Variants in SPOCD1 observed in about 807,000 individuals in gnomAD.
SPOCD1 encodes SPOC domain-containing protein 1.
SPOCD1 carries 64 observed loss-of-function variants against 92.2 expected under a neutral mutation model. The observed-to-expected ratio is 0.69, with a 90% confidence interval of 0.57 to 0.86. SPOCD1 has a LOEUF of 0.86. SPOCD1 is among the 40% of genes least tolerant of loss of function. The probability of loss-of-function intolerance (pLI) is 0.00; values close to 1 mark genes in which losing one functional copy is unlikely to be tolerated. For synonymous variants in SPOCD1, 578 were observed against 619.3 expected (o/e 0.93, Z 0.99); for missense variants, 1,360 against 1,543.1 (o/e 0.88, Z 1.99).
intron 2 of SPOCD1, among the ~76,000 whole-genome samples, chr1:31,811,765 C>T (rs760461107): frequency 3.3e-5 from 5 of 152,210 alleles, no homozygotes; most frequent in Non-Finnish European, 7.3e-5. Flanking sequence ...ATTCTTCTCC[C>T]GCAGCTGGTA....
chr1:31,798,870 A>G lies in SPOCD1; in HGVS notation c.1869-269T>C. ...ATTAGTGGCAAAAGCAAGATTTGAA[A>G]CTCGACTGTCTGACTCACCAGCCTG... On this transcript the variant is annotated intron_variant, in intron 7 of 15. Transcript: ENST00000360482. This position sits in a 1 kb window ranked among gnomAD's most constrained non-coding sequence, Gnocchi z 4.1. 1.8e-6 allele frequency: 1 copy of G among 562,234 alleles called. No homozygotes were observed. Among genetic ancestry groups the G allele is most frequent in the Non-Finnish European group, 3.1e-6 (1 of 318,148 alleles). 34.8% of individuals were successfully genotyped at this position (562,234 alleles called of 1,614,324 possible). A position where few individuals can be genotyped will look rare whatever the true frequency, so the allele number is the denominator to read the frequency against.
chr1:31,793,534 G>A (rs893102968), intron 12 of SPOCD1, 106 bp from the exon 13 acceptor site: 1 of 1,507,966 alleles, frequency 6.6e-7, no homozygotes. Flanking sequence ...TGTGGGGACT[G>A]GAACACTGGC....
intron 10 of SPOCD1, 139 bp downstream of exon 10, chr1:31,796,451 C>T (rs576501318): frequency 4.6e-5 from 61 of 1,323,716 alleles, no homozygotes; most frequent in Middle Eastern, 2.3e-4. Context: ...CGTTAAGGAT[C>T]GCTGTCCCCG....
chr1:31,801,572 G>T, intron 3 of SPOCD1, 92 bp downstream of exon 3: 1 of 1,177,970 alleles, frequency 8.5e-7, no homozygotes, highest in Non-Finnish European at 1.3e-6. Context: ...GGTGGGGGTA[G>T]GATCTCCACA....
chr1:31,792,990 C>T (rs1414704536), intron 13 of SPOCD1, among the ~76,000 whole-genome samples: 3 of 152,216 alleles, frequency 2.0e-5, no homozygotes, highest in Non-Finnish European at 4.4e-5. Flanking sequence ...CTCCTCTATC[C>T]TCTGCTCTCA....
intron 2 of SPOCD1, among the ~76,000 whole-genome samples, chr1:31,803,521 C>G (rs1341752864): frequency 6.6e-6 from 1 of 151,294 alleles, no homozygotes; most frequent in Non-Finnish European, 1.5e-5. Flanking sequence ...TCGCTTGAGG[C>G]CAGAAGTTTG....
intron 2 of SPOCD1, among the ~76,000 whole-genome samples, chr1:31,809,270 A>G (rs753979952): frequency 6.6e-6 from 1 of 152,214 alleles, no homozygotes; most frequent in South Asian, 2.1e-4. Flanking sequence ...ACACCACAGC[A>G]TATCTCCATT....
intron 2 of SPOCD1, among the ~76,000 whole-genome samples, chr1:31,809,983 C>CACTG (rs1270460358): frequency 6.6e-6 from 1 of 152,160 alleles, no homozygotes; most frequent in Non-Finnish European, 1.5e-5. Flanking sequence ...CTCTGCAGAG[C>CACTG]ACTGCCCTCT....
chr1:31,796,135 G>A (rs913773280), intron 10 of SPOCD1: 31 of 262,704 alleles, frequency 1.2e-4, no homozygotes, highest in Non-Finnish European at 2.3e-4. Context: ...CAAGTTCCAG[G>A]AGGCCCTCTG....
In SPOCD1 at chr1:31,798,962, G is replaced by T. The variant is rs1291592868; in HGVS notation, c.1869-361C>A. On this transcript the variant is annotated intron_variant, in intron 7 of 15. Transcript: ENST00000360482. The surrounding 1 kb of genome is among the most constrained non-coding windows in gnomAD (Gnocchi z 4.1). Reference sequence around the variant, plus strand: ...CCGGGGTCAGGTCAGAGTAAGGCAGGAGTCAGGGGGAGAGAATGGAGCCCT... The same window carrying T: ...CCGGGGTCAGGTCAGAGTAAGGCAGTAGTCAGGGGGAGAGAATGGAGCCCT... 1 of 539,328 alleles carries T rather than the reference G, an allele frequency of 1.9e-6. No homozygotes were observed. Among genetic ancestry groups the T allele is most frequent in the Non-Finnish European group, 3.3e-6 (1 of 307,428 alleles). The allele number at this position is 539,328 out of a possible 1,614,324, so 33.4% of individuals were successfully genotyped here.
intron 2 of SPOCD1, among the ~76,000 whole-genome samples, chr1:31,802,706 T>C (rs1648546427): frequency 1.3e-5 from 2 of 152,366 alleles, no homozygotes; most frequent in South Asian, 2.1e-4. Flanking sequence ...ATTCATGTTA[T>C]TCAAAACGAG....
Position 31,814,186 on chromosome 1 carries a change from G to A in SPOCD1, c.1148C>T (p.Pro383Leu). The change falls in exon 2 of 16, where the codon CCC becomes CTC. Residue 383 changes from proline to leucine, a missense_variant. Physicochemically the swap from Pro to Leu is moderately conservative, Grantham distance 98. Around this residue, in one of 3 missense-constraint regions of SPOCD1, gnomAD observed 606 missense variants for 601.5 expected, o/e 1.01. Transcript: ENST00000360482. The surrounding 1 kb of genome is among the most constrained non-coding windows in gnomAD (Gnocchi z 4.2). Reference protein sequence around the residue: ...RGRLEQGLAAPADTCASSREP... With the variant: ...RGRLEQGLAALADTCASSREP... ...CCGGGAGCTGGCACAGGTGTCAGCG[G>A]GGGCAGCGAGTCCTTGCTCCAGCCT... 6.4e-7 allele frequency: 1 copy of A among 1,571,214 alleles called. No individual in the cohort carries two copies. The highest frequency in any genetic ancestry group is 8.6e-7 in the Non-Finnish European group (1 of 1,156,718).
intron 15 of SPOCD1, 47 bp from the exon 16 acceptor site, chr1:31,791,338 C>G (rs767437452): frequency 1.4e-6 from 2 of 1,412,696 alleles, no homozygotes; most frequent in East Asian, 5.2e-5. Context: ...GATCTGGAGC[C>G]TACATCCCAG....
chr1:31,815,319 C>A lies in SPOCD1; in HGVS notation c.15G>T (p.Gly5=). The A allele has an allele frequency of 6.5e-7, 1 of 1,549,830 alleles. No homozygotes were observed. Among genetic ancestry groups the A allele is most frequent in the Non-Finnish European group, 8.7e-7 (1 of 1,143,660 alleles). ...CTCCTGTGCTGGGGCCTTCTACGTCCCCCGCCTGGGACATGTCTGTCCACC... is the reference window on the plus strand; with the variant it reads ...CTCCTGTGCTGGGGCCTTCTACGTCACCCGCCTGGGACATGTCTGTCCACC... MSQA[G]DVEGPSTGDP... Residue 5 remains glycine (G), a synonymous_variant, in exon 2 of 16, where the codon GGG becomes GGT. Coordinates refer to ENST00000360482, the MANE Select transcript of SPOCD1 (RefSeq NM_144569.7).
chr1:31,815,187 G>A lies in SPOCD1; in HGVS notation c.147C>T (p.Pro49=), dbSNP rs375088993. Residue 49 remains proline, a synonymous_variant, in exon 2 of 16, where the codon CCC becomes CCT. Coordinates refer to ENST00000360482, the MANE Select transcript of SPOCD1 (RefSeq NM_144569.7). ...SPDGPGASSG[P]GVRAGSRRKI... ...TCCTTCTGCTGCCAGCCCTGACTCC[G>A]GGCCCAGAGCTTGCTCCCGGCCCAT... is the stretch of plus-strand genomic sequence containing the variant. 19 of 1,607,900 alleles carry A rather than the reference G, an allele frequency of 1.2e-5. No individual in the cohort carries two copies. The highest frequency in any genetic ancestry group is 1.7e-5 in the Admixed American group (1 of 59,892).
intron 2 of SPOCD1, among the ~76,000 whole-genome samples, chr1:31,809,394 T>C (rs1011991413): frequency 2.6e-5 from 4 of 152,090 alleles, no homozygotes; most frequent in African/African-American, 9.7e-5. Flanking sequence ...TTAGAAAACA[T>C]CTGGCACCAT....
rs1417475131 is a variant in SPOCD1, at chr1:31,792,203, C to T, written c.2962+12G>A. 6.3e-7 allele frequency: 1 copy of T among 1,590,824 alleles called. No individual in the cohort carries two copies. The highest frequency in any genetic ancestry group is 8.6e-7 in the Non-Finnish European group (1 of 1,168,868). The stretch of plus-strand genomic sequence containing the variant: ...GCAGAGGCAGGGTCTGGTATGGGGA[C>T]TAGGCACTCACCTGGGCCCCCCAAA... On this transcript the variant is annotated intron_variant, in intron 15 of 15. Coordinates refer to ENST00000360482, the MANE Select transcript of SPOCD1 (RefSeq NM_144569.7).
At chr1:31,799,982 G>A in intron 5 of SPOCD1, 34 bp downstream of exon 5, 1 of 1,611,170 alleles carries the variant, frequency 6.2e-7, no homozygotes, top group Non-Finnish European at 8.5e-7. Context: ...ATGCTCCAGT[G>A]AAGGAGGCAC....
chr1:31,798,646 C>G lies in SPOCD1; in HGVS notation c.1869-45G>C, dbSNP rs976716102. 17 of 1,589,332 alleles carry G rather than the reference C, an allele frequency of 1.1e-5. No individual in the cohort carries two copies. The highest frequency in any genetic ancestry group is 2.7e-5 in the African/African-American group (2 of 74,540). On this transcript the variant is annotated intron_variant, in intron 7 of 15. Transcript: ENST00000360482. This position sits in a 1 kb window ranked among gnomAD's most constrained non-coding sequence, Gnocchi z 4.1. ...GCGGGGGCACTGAGCCCAGGAGGCT[C>G]TCCAGGCACTTAGTCCCAGAGGGAG...
Sources: gnomAD v4.1 joint callset for allele counts (sites outside exome capture counted in the v4.1 genomes callset) on GRCh38, gnomAD v4.1.1 for gene constraint, gnomAD v4.1.1 regional missense constraint, Gnocchi (gnomAD v3.1) non-coding constraint, MANE v1.5 for transcripts, NCBI Gene and HGNC (gene_info 2026-07-23, HGNC 2026-07-21) for gene names.